OR52N2: variants seen among roughly 807,000 people sequenced by gnomAD.
OR52N2 encodes the protein olfactory receptor family 52 subfamily N member 2, also known as olfactory receptor 52N2.
For missense variants in OR52N2, 326 were observed against 196.6 expected, an observed-to-expected ratio of 1.66 and a Z score of -3.94; for synonymous variants, 129 against 72.0, an observed-to-expected ratio of 1.79 and a Z score of -4.01.
chr11:5,809,699 C>G (rs968901672), intron 1 of OR52N2, among the ~76,000 whole-genome samples: 1 of 150,464 alleles, frequency 6.6e-6, no homozygotes, highest in Admixed American at 6.6e-5. Flanking sequence ...TATAAAAAAG[C>G]TGAAAAATGA....
intron 1 of OR52N2, among the ~76,000 whole-genome samples, chr11:5,813,790 G>A (rs777561274): frequency 1.6e-4 from 24 of 152,064 alleles, no homozygotes; most frequent in East Asian, 1.3e-3. Context: ...CTAGTGAACC[G>A]AATCAACAGC....
intron 1 of OR52N2, among the ~76,000 whole-genome samples, chr11:5,819,786 T>C (rs1846431516): frequency 6.6e-6 from 1 of 152,182 alleles, no homozygotes; most frequent in Admixed American, 6.5e-5. Flanking sequence ...TACAAGCATT[T>C]TTTGTTATCA....
chr11:5,815,897 C>T (rs1461873526), intron 1 of OR52N2, among the ~76,000 whole-genome samples: 1 of 150,362 alleles, frequency 6.7e-6, no homozygotes, highest in Non-Finnish European at 1.5e-5. Context: ...TGTGTATATA[C>T]ATGTGTGTAT....
chr11:5,812,784 C>T (rs2134240729), intron 1 of OR52N2, among the ~76,000 whole-genome samples: 1 of 151,800 alleles, frequency 6.6e-6, no homozygotes, highest in East Asian at 1.9e-4. Context: ...ATACTTCAGA[C>T]CAAATCAGTT....
At chr11:5,814,468 GTAAAT>G (rs1325048107) in intron 1 of OR52N2, among the ~76,000 whole-genome samples, 2 of 151,792 alleles carry the variant, frequency 1.3e-5, no homozygotes, top group African/African-American at 2.4e-5. Flanking sequence ...TAATTCCATT[GTAAAT>G]TAAATTATTT....
chr11:5,820,134 A>G (rs984210052), intron 1 of OR52N2, among the ~76,000 whole-genome samples, 148 bp from the exon 2 acceptor site: 1 of 152,204 alleles, frequency 6.6e-6, no homozygotes, highest in Non-Finnish European at 1.5e-5. Context: ...GTGACTTTGG[A>G]CACTGTAGTT....
Position 5,817,036 on chromosome 11 carries a change from T to A in OR52N2, c.-54-3246T>A, listed in dbSNP as rs543842264. Among the ~76,000 whole-genome samples, 10 of 152,320 alleles carry A rather than the reference T, an allele frequency of 6.6e-5. No individual in the cohort carries two copies. In the East Asian group the frequency reaches 1.9e-3, roughly 29 times the overall value. Reference sequence around the variant, plus strand: ...TTTTGTTTCCAAGGAGTCGCAGGAATCTTTATACACCTGTATGTAATATTG... The same window carrying A: ...TTTTGTTTCCAAGGAGTCGCAGGAAACTTTATACACCTGTATGTAATATTG... On this transcript the variant is annotated intron_variant, in intron 1 of 1. Transcript: ENST00000317037.
intron 1 of OR52N2, among the ~76,000 whole-genome samples, chr11:5,812,815 A>G (rs904951108): frequency 6.6e-6 from 1 of 152,044 alleles, no homozygotes; most frequent in African/African-American, 2.4e-5. Context: ...CTGGAAAACA[A>G]GTCTTAAAAA....
Position 5,821,053 on chromosome 11 carries a change from T to A in OR52N2, c.718T>A (p.Phe240Ile), listed in dbSNP as rs61875922. 1,780 of 781,036 alleles carry A rather than the reference T, an allele frequency of 2.3e-3. 2 individuals carry two copies. Among genetic ancestry groups the A allele is most frequent in the Non-Finnish European group, 3.7e-3 (1,552 of 418,106 alleles). The allele number at this position is 781,036 out of a possible 1,614,324, so 48.4% of individuals were successfully genotyped here. ...LSSADARHKAFSTCTSHMCSI... is the reference protein window; with the variant it reads ...LSSADARHKAISTCTSHMCSI... ...ATCAGCAGATGCTCGTCACAAAGCCTTCAGCACCTGCACATCTCACATGTG... is the reference window on the plus strand; with the variant it reads ...ATCAGCAGATGCTCGTCACAAAGCCATCAGCACCTGCACATCTCACATGTG... The change falls in exon 2 of 2, where the codon TTC (phenylalanine) becomes ATC (isoleucine). Residue 240 changes from phenylalanine to isoleucine, a missense_variant. By Grantham distance (21) the Phe-to-Ile change is conservative. Coordinates refer to ENST00000317037, the MANE Select transcript of OR52N2 (RefSeq NM_001005174.3).
intron 1 of OR52N2, among the ~76,000 whole-genome samples, chr11:5,818,233 G>T (rs1186776774): frequency 6.6e-6 from 1 of 152,032 alleles, no homozygotes; most frequent in Non-Finnish European, 1.5e-5. Flanking sequence ...GAAAAAAAAA[G>T]TTTTAAAAAA....
intron 1 of OR52N2, among the ~76,000 whole-genome samples, chr11:5,812,708 C>G (rs12792672): frequency 4.6e-5 from 7 of 151,636 alleles, no homozygotes; most frequent in African/African-American, 1.7e-4. Flanking sequence ...GATGTCAACA[C>G]CGCATTTTCA....
At chr11:5,813,608 G>C (rs1190789058) in intron 1 of OR52N2, among the ~76,000 whole-genome samples, 2 of 151,984 alleles carry the variant, frequency 1.3e-5, no homozygotes, top group African/African-American at 4.8e-5. Context: ...CATTTAAAGG[G>C]GAATTAATAC....
chr11:5,812,029 C>G (rs1846364580), intron 1 of OR52N2, among the ~76,000 whole-genome samples: 1 of 152,004 alleles, frequency 6.6e-6, no homozygotes, highest in Admixed American at 6.5e-5. Flanking sequence ...ACAATGAGAA[C>G]ACATGGACAT....
Position 5,816,545 on chromosome 11 carries a change from C to CTTTTTTTTTTTTTTTTTT in OR52N2, c.-54-3735_-54-3734insTTTTTTTTTTTTTTTTTT, listed in dbSNP as rs1464421774. 4.3e-3 allele frequency among the ~76,000 whole-genome samples: 649 copies of CTTTTTTTTTTTTTTTTTT among 150,504 alleles called. 10 individuals are homozygous for CTTTTTTTTTTTTTTTTTT. Among genetic ancestry groups the CTTTTTTTTTTTTTTTTTT allele is most frequent in the African/African-American group, 0.014 (566 of 40,628 alleles). ...CCAATTTAGGAAGCCTGATCTAAAT[C>CTTTTTTTTTTTTTTTTTT]TTCTTTTTTTGAGAGACACGGTCTC... On this transcript the variant is annotated intron_variant, in intron 1 of 1. Coordinates refer to ENST00000317037, the MANE Select transcript of OR52N2 (RefSeq NM_001005174.3).
chr11:5,810,118 C>T (rs1264880354), intron 1 of OR52N2, among the ~76,000 whole-genome samples: 5 of 152,176 alleles, frequency 3.3e-5, no homozygotes, highest in Non-Finnish European at 5.9e-5. Flanking sequence ...TGAGCCTTGA[C>T]GCTTCACAGA....
intron 1 of OR52N2, among the ~76,000 whole-genome samples, chr11:5,814,560 C>T (rs867368583): frequency 3.3e-5 from 5 of 151,642 alleles, no homozygotes; most frequent in African/African-American, 9.7e-5. Flanking sequence ...AAAATATTGC[C>T]GAAATAAATT....
chr11:5,819,502 CT>C (rs1846429158), intron 1 of OR52N2, among the ~76,000 whole-genome samples: 1 of 152,072 alleles, frequency 6.6e-6, no homozygotes, highest in African/African-American at 2.4e-5. Context: ...AATTTTATAC[CT>C]AATTGAATTT....
At position 5,815,856 on chromosome 11, in the gene OR52N2, G is replaced by A. The variant is rs557193961; in HGVS notation, c.-54-4426G>A. On this transcript the variant is annotated intron_variant, in intron 1 of 1. Transcript: ENST00000317037. ...GCCCATCAATGGATGAATGAATAATGGATAAGCAAAATGTAGTATGTATGT... is the reference window on the plus strand; with the variant it reads ...GCCCATCAATGGATGAATGAATAATAGATAAGCAAAATGTAGTATGTATGT... 1.3e-4 allele frequency among the ~76,000 whole-genome samples: 20 copies of A among 150,108 alleles called. No homozygotes were observed. The South Asian group carries it at 3.0e-3, about 22-fold the overall frequency.
intron 1 of OR52N2, among the ~76,000 whole-genome samples, chr11:5,814,303 A>G (rs190376871): frequency 7.7e-4 from 117 of 152,300 alleles, no homozygotes; most frequent in Non-Finnish European, 1.4e-3. Flanking sequence ...TGAGCAAGGT[A>G]ACAAGATACG....
Sources: gnomAD v4.1 joint callset for allele counts (sites outside exome capture counted in the v4.1 genomes callset) on GRCh38, gnomAD v4.1.1 for gene constraint, MANE v1.5 for transcripts, NCBI Gene and HGNC (gene_info 2026-07-23, HGNC 2026-07-21) for gene names.